PDE6C: variants seen among roughly 807,000 people sequenced by gnomAD.
The protein encoded by PDE6C is phosphodiesterase 6C.
PDE6C carries 75 observed loss-of-function variants against 113.1 expected under a neutral mutation model. That is an observed-to-expected ratio of 0.66 (90% CI 0.55 to 0.80). The LOEUF (loss-of-function observed/expected upper bound fraction) is 0.80, where lower values mean the gene tolerates loss of function less well. Ranked by LOEUF, PDE6C falls within the 30% of genes least tolerant of loss-of-function variation. The pLI is 0.00. For synonymous variants in PDE6C, 375 were observed against 363.7 expected (o/e 1.03, Z -0.35); for missense variants, 912 against 1,038.6 (o/e 0.88, Z 1.67).
rs182455298 is a variant in PDE6C at position 93,637,777 on chromosome 10, C to T, written c.1482+714C>T. Among the ~76,000 whole-genome samples, 330 of 152,296 alleles carry T rather than the reference C, an allele frequency of 2.2e-3. 2 individuals are homozygous for T. Among genetic ancestry groups the T allele is most frequent in the African/African-American group, 7.4e-3 (306 of 41,568 alleles). Reference sequence around the variant, plus strand: ...AAGGTACCCATCTTAATACCAGAATCACCTGTAGATCTGATTCTACTGTTT... The same window carrying T: ...AAGGTACCCATCTTAATACCAGAATTACCTGTAGATCTGATTCTACTGTTT... On this transcript the variant is annotated intron_variant, in intron 11 of 21. Coordinates refer to ENST00000371447, the MANE Select transcript of PDE6C (RefSeq NM_006204.4).
intron 13 of PDE6C, 56 bp from the exon 14 acceptor site, chr10:93,640,864 A>G: frequency 5.4e-6 from 6 of 1,114,248 alleles, no homozygotes; most frequent in Admixed American, 1.7e-5. Context: ...CACTTGGTAT[A>G]GAGGTATATT....
At position 93,635,465 on chromosome 10, in the gene PDE6C, A is replaced by G. The variant is rs781069422; in HGVS notation, c.1270-32A>G. On this transcript the variant is annotated intron_variant, in intron 9 of 21. Transcript: ENST00000371447. Reference sequence around the variant, plus strand: ...TCCAAACCAATTTTTCTTTCACTGAAGAGAATTAGAATCACCTTTTATCCA... The same window carrying G: ...TCCAAACCAATTTTTCTTTCACTGAGGAGAATTAGAATCACCTTTTATCCA... 9.4e-6 allele frequency: 15 copies of G among 1,595,734 alleles called. No homozygotes were observed. The East Asian group carries it at 3.1e-4, about 33-fold the overall frequency.
At chr10:93,625,991 G>T (rs986351391) in intron 5 of PDE6C, among the ~76,000 whole-genome samples, 5 of 152,148 alleles carry the variant, frequency 3.3e-5, no homozygotes, top group African/African-American at 4.8e-5. Flanking sequence ...TCTAAGGAAG[G>T]GTTGGGTTAG....
chr10:93,630,517 G>A (rs1394189360), intron 8 of PDE6C, among the ~76,000 whole-genome samples: 1 of 151,874 alleles, frequency 6.6e-6, no homozygotes, highest in Admixed American at 6.6e-5. Context: ...GAGATAAACT[G>A]GCATTTGGCT....
At position 93,642,878 on chromosome 10, in the gene PDE6C, CT is replaced by C. The variant is rs751145775; in HGVS notation, c.1847+1850del. Among the ~76,000 whole-genome samples the C allele has an allele frequency of 3.3e-5, 5 of 152,292 alleles. No individual in the cohort carries two copies. In the East Asian group the frequency reaches 7.7e-4, roughly 24 times the overall value. ...TTAGGCTTTGTCTTGAAAAGATGAT[CT>C]CCATCCAGACTTGAGGCAAGAGACA... On this transcript the variant is annotated intron_variant, in intron 14 of 21. Coordinates refer to ENST00000371447, the MANE Select transcript of PDE6C (RefSeq NM_006204.4).
At chr10:93,654,901 A>G (rs2133874736) in intron 15 of PDE6C, among the ~76,000 whole-genome samples, 1 of 149,604 alleles carries the variant, frequency 6.7e-6, no homozygotes, top group East Asian at 2.0e-4. Flanking sequence ...TCCAGTCCCC[A>G]GCGTTAAGCA....
In PDE6C at chr10:93,612,939, G is replaced by T; in HGVS notation, c.214G>T (p.Glu72Ter). Reference protein sequence around the residue: ...CLELLWTVQEEGGTPEQGVHR... With the variant: ...CLELLWTVQE ...GGAGCTGCTGTGGACCGTGCAGGAGGAGGGGGGCACCCCAGAGCAGGGGGT... is the reference window on the plus strand; with the variant it reads ...GGAGCTGCTGTGGACCGTGCAGGAGTAGGGGGGCACCCCAGAGCAGGGGGT... Residue 72 changes from glutamate to a stop codon, truncating the protein, a stop_gained, in exon 1 of 22, where the codon GAG (glutamate) becomes TAG (stop). Transcript: ENST00000371447. LOFTEE classifies it high-confidence loss of function. The T allele has an allele frequency of 6.2e-7, 1 of 1,614,028 alleles. No individual in the cohort carries two copies. The highest frequency in any genetic ancestry group is 8.5e-7 in the Non-Finnish European group (1 of 1,180,010).
chr10:93,613,910 G>T (rs2058405530), intron 1 of PDE6C, among the ~76,000 whole-genome samples: 1 of 152,144 alleles, frequency 6.6e-6, no homozygotes, highest in South Asian at 2.1e-4. Flanking sequence ...ACAGCATACT[G>T]CACAAATACA....
chr10:93,652,182 AATGT>A (rs1291613060), intron 15 of PDE6C, among the ~76,000 whole-genome samples: 1 of 152,192 alleles, frequency 6.6e-6, no homozygotes, highest in Non-Finnish European at 1.5e-5. Flanking sequence ...ACATACCCAA[AATGT>A]ATATCAGAGA....
intron 1 of PDE6C, among the ~76,000 whole-genome samples, chr10:93,614,867 CAG>C (rs1010871015): frequency 1.3e-5 from 2 of 152,144 alleles, no homozygotes; most frequent in African/African-American, 2.4e-5. Context: ...GGGTGGGACA[CAG>C]AGAAATGTGT....
intron 1 of PDE6C, among the ~76,000 whole-genome samples, chr10:93,618,997 G>A (rs980004391): frequency 4.6e-5 from 7 of 152,184 alleles, no homozygotes; most frequent in Non-Finnish European, 8.8e-5. Flanking sequence ...TTTGGCCAAC[G>A]AGTCTCAGAG....
At chr10:93,663,539 TATGC>T (rs2058676418) in intron 21 of PDE6C, among the ~76,000 whole-genome samples, 1 of 152,160 alleles carries the variant, frequency 6.6e-6, no homozygotes, top group African/African-American at 2.4e-5. Context: ...GTCCCAACAT[TATGC>T]ATTAGCTGTG....
In PDE6C at chr10:93,626,668, A is replaced by C; in HGVS notation, c.968A>C (p.Tyr323Ser). Residue 323 changes from tyrosine (Y) to serine (S), a missense_variant, in exon 6 of 22, where the codon TAC becomes TCC. Tyr to Ser is a moderately radical substitution (Grantham distance 144). Coordinates refer to ENST00000371447, the MANE Select transcript of PDE6C (RefSeq NM_006204.4). Reference protein sequence around the residue: ...REVNFYKIIDYILHGKEEIKV... With the variant: ...REVNFYKIIDSILHGKEEIKV... Reference sequence around the variant, plus strand: ...GTCAACTTTTATAAAATCATTGATTACATTTTACATGGAAAAGAAGAGATC... The same window carrying C: ...GTCAACTTTTATAAAATCATTGATTCCATTTTACATGGAAAAGAAGAGATC... 6.3e-7 allele frequency: 1 copy of C among 1,593,684 alleles called. No homozygotes were observed. The highest frequency in any genetic ancestry group is 8.6e-7 in the Non-Finnish European group (1 of 1,161,434).
intron 15 of PDE6C, among the ~76,000 whole-genome samples, chr10:93,651,947 A>T (rs1195463094): frequency 6.6e-6 from 1 of 152,070 alleles, no homozygotes; most frequent in Non-Finnish European, 1.5e-5. Context: ...TGCTCTAATT[A>T]AAGAATCACT....
At chr10:93,630,852 A>G (rs539547724) in intron 8 of PDE6C, among the ~76,000 whole-genome samples, 1 of 152,274 alleles carries the variant, frequency 6.6e-6, no homozygotes, top group Non-Finnish European at 1.5e-5. Context: ...TAAACACCAT[A>G]TGGCTGCTCT....
intron 8 of PDE6C, among the ~76,000 whole-genome samples, chr10:93,630,842 T>A (rs1015871456): frequency 1.3e-5 from 2 of 152,172 alleles, no homozygotes; most frequent in Non-Finnish European, 2.9e-5. Context: ...GGAAAACATG[T>A]AAACACCATA....
intron 18 of PDE6C, among the ~76,000 whole-genome samples, chr10:93,659,660 G>A (rs1212449605): frequency 6.6e-6 from 1 of 152,158 alleles, no homozygotes; most frequent in Non-Finnish European, 1.5e-5. Flanking sequence ...CAGATCTTGT[G>A]AGACTTACTT....
chr10:93,659,455 C>T (rs923981732), intron 18 of PDE6C, among the ~76,000 whole-genome samples: 13 of 152,108 alleles, frequency 8.5e-5, no homozygotes, highest in African/African-American at 3.1e-4. Context: ...TTAGCCTGTT[C>T]TCATGCTGCT....
intron 1 of PDE6C, among the ~76,000 whole-genome samples, chr10:93,615,265 TG>T (rs1033312316): frequency 6.6e-6 from 1 of 152,248 alleles, no homozygotes; most frequent in Non-Finnish European, 1.5e-5. Flanking sequence ...CACTCCAGCC[TG>T]GGTGACAGAA....
Sources: gnomAD v4.1 joint callset for allele counts (sites outside exome capture counted in the v4.1 genomes callset) on GRCh38, gnomAD v4.1.1 for gene constraint, MANE v1.5 for transcripts, NCBI Gene and HGNC (gene_info 2026-07-23, HGNC 2026-07-21) for gene names.